The following EMC1 variants were observed in gnomAD, a reference collection of about 807,000 sequenced individuals.
EMC1 encodes ER membrane protein complex subunit 1.
A neutral mutation model predicts 128.8 loss-of-function variants in EMC1; 103 were observed. That is an observed-to-expected ratio of 0.80 (90% CI 0.68 to 0.94). The LOEUF is 0.94. Among genes scored for constraint, EMC1 ranks in the 40% least tolerant of loss-of-function variants. The probability of loss-of-function intolerance (pLI) is 0.00; values close to 1 mark genes in which losing one functional copy is unlikely to be tolerated. For synonymous variants in EMC1, 442 were observed against 490.4 expected (o/e 0.90, Z 1.30); for missense variants, 1,083 against 1,250.6 (o/e 0.87, Z 2.02).
intron 1 of EMC1, among the ~76,000 whole-genome samples, chr1:19,246,610 C>A (rs183531630): frequency 6.6e-6 from 1 of 151,758 alleles, no homozygotes; most frequent in East Asian, 1.9e-4. Context: ...TGGTAAAACT[C>A]CATCTCTTAT....
chr1:19,240,143 C>A, intron 7 of EMC1, 154 bp downstream of exon 7: 1 of 1,189,738 alleles, frequency 8.4e-7, no homozygotes, highest in Non-Finnish European at 1.2e-6. Context: ...AGGAAAGTGA[C>A]TGATTTCCTC....
At chr1:19,251,319 G>A (rs2093658140) in intron 1 of EMC1, 96 bp downstream of exon 1, 8 of 1,149,960 alleles carry the variant, frequency 7.0e-6, no homozygotes, top group South Asian at 1.3e-5. Flanking sequence ...TGCAAATTAT[G>A]CGGCCAATCC....
In EMC1 at chr1:19,235,226, C is replaced by T; in HGVS notation, c.1336G>A (p.Glu446Lys). 6.2e-7 allele frequency: 1 copy of T among 1,613,374 alleles called. No homozygotes were observed. The highest frequency in any genetic ancestry group is 8.5e-7 in the Non-Finnish European group (1 of 1,179,606). ...CACACCACTTCTGCCAGGGACTCCT[C>T]ACGGCTCCACAGCACCACCTTCCCT... is the stretch of plus-strand genomic sequence containing the variant. ...LAGKVVLWSR[E>K]ESLAEVVCLE... The change falls in exon 13 of 23, where the codon GAG becomes AAG. Residue 446 changes from glutamate to lysine, a missense_variant. Transcript: ENST00000477853.
At chr1:19,239,770 C>A in intron 8 of EMC1, 48 bp downstream of exon 8, 2 of 1,593,752 alleles carry the variant, frequency 1.3e-6, no homozygotes, top group East Asian at 2.2e-5. Context: ...GCATCCATGT[C>A]TTGGAGAGAT....
chr1:19,221,099 T>A (rs2093427754), intron 20 of EMC1: 1 of 317,838 alleles, frequency 3.1e-6, no homozygotes. Context: ...AAGATATGGA[T>A]AATGATGAAA....
At chr1:19,228,217 A>G (rs1463531158) in intron 17 of EMC1, among the ~76,000 whole-genome samples, 1 of 151,978 alleles carries the variant, frequency 6.6e-6, no homozygotes, top group African/African-American at 2.4e-5. Flanking sequence ...AAAAAAAAAA[A>G]AAAAAGATAA....
At chr1:19,222,379 T>C (rs1456974418) in intron 20 of EMC1, among the ~76,000 whole-genome samples, 3 of 152,134 alleles carry the variant, frequency 2.0e-5, no homozygotes, top group African/African-American at 7.2e-5. Context: ...CACTCCAGCC[T>C]GGATGACAGA....
chr1:19,244,152 G>T, intron 2 of EMC1, 137 bp from the exon 3 acceptor site: 2 of 808,326 alleles, frequency 2.5e-6, no homozygotes, highest in South Asian at 1.6e-5. Flanking sequence ...TAGCTAACTG[G>T]CAGTGATCCA....
intron 17 of EMC1, among the ~76,000 whole-genome samples, chr1:19,228,233 C>T (rs779304420): frequency 2.0e-5 from 3 of 151,094 alleles, no homozygotes; most frequent in Non-Finnish European, 4.4e-5. Context: ...GATAATAAAG[C>T]CAGTAGGAAA....
intron 21 of EMC1, 38 bp from the exon 22 acceptor site, chr1:19,219,736 G>A: frequency 6.2e-7 from 1 of 1,608,048 alleles, no homozygotes; most frequent in Non-Finnish European, 8.5e-7. Context: ...TCTGAGCACT[G>A]CTGTAAAGGG....
At position 19,218,895 on chromosome 1, in the gene EMC1, T is replaced by G; in HGVS notation, c.*408A>C. On this transcript the variant is annotated 3_prime_UTR_variant, in exon 23 of 23. Transcript: ENST00000477853. ...ACTTTGAAGCAAGAGATGGAAAAAG[T>G]CAGAAAGATTTCTAGATAAAATTGA... The G allele has an allele frequency of 5.9e-6, 1 of 169,120 alleles. No individual in the cohort carries two copies. The highest frequency in any genetic ancestry group is 1.6e-4 in the East Asian group (1 of 6,110). The allele number at this position is 169,120 out of a possible 1,614,324, so 10.5% of individuals were successfully genotyped here.
chr1:19,231,424 T>G lies in EMC1; in HGVS notation c.1783-2A>C. 1 of 1,610,512 alleles carries G rather than the reference T, an allele frequency of 6.2e-7. No homozygotes were observed. Reference sequence around the variant, plus strand: ...ATACAGAGAACTCATTCCCGACTCCTAAAATGAGCAAACTGTCAGGCTCCA... The same window carrying G: ...ATACAGAGAACTCATTCCCGACTCCGAAAATGAGCAAACTGTCAGGCTCCA... On this transcript the variant is annotated splice_acceptor_variant, in intron 15 of 22. Transcript: ENST00000477853. LOFTEE classifies it high-confidence loss of function.
chr1:19,216,931 TC>T lies in EMC1; in HGVS notation c.*2371del, dbSNP rs2093400459. 1 of 152,082 alleles carries T rather than the reference TC, an allele frequency of 6.6e-6. No individual in the cohort carries two copies. The highest frequency in any genetic ancestry group is 2.4e-5 in the African/African-American group (1 of 41,380). The allele number at this position is 152,082 out of a possible 1,614,324, so 9.4% of individuals were successfully genotyped here. ...GTCTGGAACTCCTGGGCTCAAGAGA[TC>T]CTCCACTATGGCCTCCCAAAGTGCT... On this transcript the variant is annotated 3_prime_UTR_variant, in exon 23 of 23. Coordinates refer to ENST00000477853, the MANE Select transcript of EMC1 (RefSeq NM_015047.3).
chr1:19,223,729 T>G (rs1361842837), intron 18 of EMC1, among the ~76,000 whole-genome samples, 160 bp from the exon 19 acceptor site: 1 of 152,184 alleles, frequency 6.6e-6, no homozygotes, highest in Non-Finnish European at 1.5e-5. Flanking sequence ...CTGCACTTGT[T>G]TTATGTGCAT....
Position 19,219,448 on chromosome 1 carries a change from CGAGTTTG to C in EMC1, c.2830_2836del (p.Gln944GlufsTer11). On this transcript the variant is annotated frameshift_variant, in exon 23 of 23. Coordinates refer to ENST00000477853, the MANE Select transcript of EMC1 (RefSeq NM_015047.3). LOFTEE classifies it high-confidence loss of function. ...GTCAAACTGCTTGGATGGGTAGACT[CGAGTTTG>C]GTAAATGTCCAAACCATAGGCCACA... 1 of 1,613,804 alleles carries C rather than the reference CGAGTTTG, an allele frequency of 6.2e-7. No individual in the cohort carries two copies. Among genetic ancestry groups the C allele is most frequent in the Non-Finnish European group, 8.5e-7 (1 of 1,180,008 alleles).
intron 10 of EMC1, 107 bp from the exon 11 acceptor site, chr1:19,238,246 C>T: frequency 7.8e-7 from 1 of 1,275,486 alleles, no homozygotes; most frequent in Admixed American, 2.3e-5. Flanking sequence ...GGAGCCAGGC[C>T]AGAAGGGGAA....
intron 1 of EMC1, 117 bp from the exon 2 acceptor site, chr1:19,245,147 G>A (rs986524474): frequency 9.4e-5 from 111 of 1,185,844 alleles, no homozygotes; most frequent in Middle Eastern, 6.1e-4. Context: ...CACATAAGAC[G>A]TGTTTGTTAG....
intron 1 of EMC1, 34 bp from the exon 2 acceptor site, chr1:19,245,064 G>A: frequency 1.2e-6 from 2 of 1,609,222 alleles, no homozygotes; most frequent in Non-Finnish European, 1.7e-6. Flanking sequence ...ACCATAAGGA[G>A]CTAAAATCAC....
chr1:19,239,203 A>G (rs1364991319), intron 9 of EMC1, 28 bp downstream of exon 9: 1 of 1,601,244 alleles, frequency 6.2e-7, no homozygotes, highest in Admixed American at 1.7e-5. Context: ...GAAAATCCCA[A>G]GTGCTGACTG....
Sources: allele counts gnomAD v4.1 joint callset (sites outside exome capture counted in the v4.1 genomes callset), GRCh38; gene constraint gnomAD v4.1.1; transcripts MANE v1.5; gene names NCBI Gene and HGNC (gene_info 2026-07-23, HGNC 2026-07-21).